The following CSGALNACT1 variants were observed in gnomAD, a reference collection of about 807,000 sequenced individuals.
CSGALNACT1 encodes the protein chondroitin sulfate N-acetylgalactosaminyltransferase 1, also known as beta4GalNAcT-1.
CSGALNACT1 carries 52 observed loss-of-function variants against 51.0 expected under a neutral mutation model. The ratio of observed to expected loss-of-function variants is 1.02; its 90% confidence interval spans 0.82 to 1.29. The LOEUF (loss-of-function observed/expected upper bound fraction) is 1.29, where lower values mean the gene tolerates loss of function less well. Among genes scored for constraint, CSGALNACT1 ranks in the 50% most tolerant of loss-of-function variants. CSGALNACT1 has a pLI of 0.00. For missense variants in CSGALNACT1, 935 were observed against 679.2 expected, an observed-to-expected ratio of 1.38 and a Z score of -4.19; for synonymous variants, 341 against 254.4, an observed-to-expected ratio of 1.34 and a Z score of -3.24.
At chr8:19,531,612 A>C (rs922675398) in intron 3 of CSGALNACT1, among the ~76,000 whole-genome samples, 2 of 152,250 alleles carry the variant, frequency 1.3e-5, no homozygotes, top group Non-Finnish European at 2.9e-5. Context: ...AGGTGCAAGG[A>C]AAATTGACAT....
intron 3 of CSGALNACT1, among the ~76,000 whole-genome samples, chr8:19,581,540 G>C (rs2045569381): frequency 6.6e-6 from 1 of 152,156 alleles, no homozygotes; most frequent in South Asian, 2.1e-4. Context: ...CAGGGAGTCG[G>C]AGGTTGCAGT....
intron 1 of CSGALNACT1, among the ~76,000 whole-genome samples, chr8:19,741,291 AC>A (rs2064297261): frequency 6.6e-6 from 1 of 152,138 alleles, no homozygotes; most frequent in African/African-American, 2.4e-5. Context: ...TTAGCCGGGC[AC>A]AGTGGCTTAC....
At chr8:19,612,301 C>A (rs1434821578) in intron 1 of CSGALNACT1, among the ~76,000 whole-genome samples, 4 of 151,756 alleles carry the variant, frequency 2.6e-5, no homozygotes, top group African/African-American at 9.7e-5. Context: ...CAAGATCGCA[C>A]CACTGCACTC....
intron 3 of CSGALNACT1, among the ~76,000 whole-genome samples, chr8:19,544,257 C>A (rs935947973): frequency 9.2e-5 from 14 of 152,058 alleles, no homozygotes; most frequent in African/African-American, 2.9e-4. Context: ...GTGCCACCAC[C>A]ACTGAGACCA....
intron 2 of CSGALNACT1, among the ~76,000 whole-genome samples, chr8:19,595,126 A>G (rs2048626158): frequency 6.6e-6 from 1 of 152,228 alleles, no homozygotes; most frequent in Non-Finnish European, 1.5e-5. Flanking sequence ...TAAGAATCCT[A>G]AATAAAAATC....
At chr8:19,543,394 G>A (rs774014400) in intron 3 of CSGALNACT1, among the ~76,000 whole-genome samples, 2 of 152,198 alleles carry the variant, frequency 1.3e-5, no homozygotes, top group Non-Finnish European at 2.9e-5. Flanking sequence ...TGGGAACGGG[G>A]CTTGTAAAAA....
In CSGALNACT1 at chr8:19,428,282, GA is replaced by G. The variant is rs375548186; in HGVS notation, c.954-7765del. Among the ~76,000 whole-genome samples the G allele has an allele frequency of 2.2e-3, 341 of 152,258 alleles. 7 individuals are homozygous for G. In the South Asian group the frequency reaches 0.039, roughly 17 times the overall value. ...ATCGAAGACTGGGTAATTTCTAAAGGAAAGAAGTTTAATTGCCTCACAGTTC... is the reference window on the plus strand; with the variant it reads ...ATCGAAGACTGGGTAATTTCTAAAGGAAGAAGTTTAATTGCCTCACAGTTC... On this transcript the variant is annotated intron_variant, in intron 6 of 9. Transcript: ENST00000454498.
chr8:19,575,721 A>T (rs535134818), intron 3 of CSGALNACT1, among the ~76,000 whole-genome samples: 2 of 152,318 alleles, frequency 1.3e-5, no homozygotes, highest in African/African-American at 4.8e-5. Flanking sequence ...TATAAACAAA[A>T]GTATTTACGT....
chr8:19,666,943 A>AGAGAAAG (rs2059316586), intron 1 of CSGALNACT1, among the ~76,000 whole-genome samples: 2 of 79,392 alleles, frequency 2.5e-5, no homozygotes, highest in Non-Finnish European at 5.2e-5. Context: ...GAGAGAGAGA[A>AGAGAAAG]AAAGAAAGAA....
At chr8:19,730,564 C>A (rs1652196011) in intron 1 of CSGALNACT1, among the ~76,000 whole-genome samples, 1 of 152,130 alleles carries the variant, frequency 6.6e-6, no homozygotes, top group African/African-American at 2.4e-5. Context: ...GTAAGGTGAA[C>A]CCACCGGAAG....
At chr8:19,629,564 G>C (rs1218975025) in intron 1 of CSGALNACT1, among the ~76,000 whole-genome samples, 1 of 152,226 alleles carries the variant, frequency 6.6e-6, no homozygotes, top group African/African-American at 2.4e-5. Flanking sequence ...TTACAACTCA[G>C]ATTATTTCCA....
At chr8:19,408,488 TTTTTTTTTTGA>T in intron 9 of CSGALNACT1, 114 bp downstream of exon 8, 2 of 493,000 alleles carry the variant, frequency 4.1e-6, no homozygotes, top group Non-Finnish European at 6.9e-6. Flanking sequence ...TTTTTTTTTT[TTTTTTTTTTGA>T]AGGCAATGGT....
At chr8:19,618,150 G>A (rs1219273839) in intron 1 of CSGALNACT1, among the ~76,000 whole-genome samples, 2 of 151,926 alleles carry the variant, frequency 1.3e-5, no homozygotes, top group African/African-American at 4.8e-5. Context: ...ACAAAGCACT[G>A]TGATTACAGA....
intron 4 of CSGALNACT1, among the ~76,000 whole-genome samples, chr8:19,471,355 T>C (rs1586739668): frequency 6.6e-6 from 1 of 152,086 alleles, no homozygotes; most frequent in East Asian, 1.9e-4. Flanking sequence ...AAGGTCTCCC[T>C]CCCTCCTTTT....
At chr8:19,481,576 C>G (rs984084859) in intron 4 of CSGALNACT1, among the ~76,000 whole-genome samples, 3 of 152,158 alleles carry the variant, frequency 2.0e-5, no homozygotes, top group African/African-American at 7.2e-5. Context: ...CACTTAAGAA[C>G]ACCCTAGAAC....
intron 4 of CSGALNACT1, among the ~76,000 whole-genome samples, chr8:19,485,578 A>G (rs1292834232): frequency 6.6e-6 from 1 of 152,086 alleles, no homozygotes; most frequent in Non-Finnish European, 1.5e-5. Flanking sequence ...CAGCCCTTTT[A>G]GAAAGCCTAC....
chr8:19,541,553 A>ATTTTTTTTTTTTTTT lies in CSGALNACT1; in HGVS notation c.-296-35438_-296-35424dup, dbSNP rs1159626193. On this transcript the variant is annotated intron_variant, in intron 3 of 9. Coordinates refer to ENST00000454498, the Ensembl canonical transcript of CSGALNACT1. ...AGGTGTGAGCCACCGTGCTCAGCCA[A>ATTTTTTTTTTTTTTT]TTTTTTTTTTTTTTTTTTTTTTTTT... is the stretch of plus-strand genomic sequence containing the variant. 1.5e-3 allele frequency among the ~76,000 whole-genome samples: 102 copies of ATTTTTTTTTTTTTTT among 70,098 alleles called. 25 individuals are homozygous for ATTTTTTTTTTTTTTT. Among genetic ancestry groups the ATTTTTTTTTTTTTTT allele is most frequent in the African/African-American group, 5.5e-3 (82 of 14,792 alleles). 46.0% of individuals were successfully genotyped at this position (70,098 alleles called of 152,430 possible). A position where few individuals can be genotyped will look rare whatever the true frequency, so the allele number is the denominator to read the frequency against.
intron 3 of CSGALNACT1, among the ~76,000 whole-genome samples, chr8:19,560,988 A>G (rs1432909740): frequency 6.6e-6 from 1 of 152,246 alleles, no homozygotes; most frequent in African/African-American, 2.4e-5. Context: ...CACACAGCAG[A>G]ATAAATGCAT....
At chr8:19,554,343 G>A (rs2089139468) in intron 3 of CSGALNACT1, among the ~76,000 whole-genome samples, 1 of 152,076 alleles carries the variant, frequency 6.6e-6, no homozygotes, top group Non-Finnish European at 1.5e-5. Context: ...ATCATTTTTG[G>A]TACCTGGAGA....
Sources: gnomAD v4.1 joint callset for allele counts (sites outside exome capture counted in the v4.1 genomes callset) on GRCh38, gnomAD v4.1.1 for gene constraint, MANE v1.5 for transcripts, NCBI Gene and HGNC (gene_info 2026-07-23, HGNC 2026-07-21) for gene names.